Variants in TAF5 observed in about 807,000 individuals in gnomAD.
TAF5 encodes transcription initiation factor TFIID subunit 5.
In TAF5, 20 loss-of-function variants were observed where a neutral mutation model predicts 80.9. The observed-to-expected ratio is 0.25, with a 90% CI of 0.17 to 0.36. The LOEUF (loss-of-function observed/expected upper bound fraction) is 0.36, where lower values mean the gene tolerates loss of function less well. Among genes scored for constraint, TAF5 ranks in the 10% least tolerant of loss-of-function variants. The pLI is 1.00. For synonymous variants in TAF5, 388 were observed against 406.4 expected, an observed-to-expected ratio of 0.95 and a Z score of 0.55; for missense variants, 863 against 1,029.4, an observed-to-expected ratio of 0.84 and a Z score of 2.21.
chr10:103,379,474 T>C, intron 3 of TAF5, 134 bp from the exon 4 acceptor site: 1 of 783,042 alleles, frequency 1.3e-6, no homozygotes, highest in Non-Finnish European at 2.0e-6. Context: ...GAATGGCTAT[T>C]GGGTAGACAA....
Position 103,374,047 on chromosome 10 carries a change from A to G in TAF5, c.797+452A>G, listed in dbSNP as rs1203644853. ...AAAGTGAAGGCATTGAAAAAAAAGGATAGGCAGGTTTTTGGGCCATGTTGA... is the reference window on the plus strand; with the variant it reads ...AAAGTGAAGGCATTGAAAAAAAAGGGTAGGCAGGTTTTTGGGCCATGTTGA... On this transcript the variant is annotated intron_variant, in intron 2 of 10. Transcript: ENST00000369839. This position sits in a 1 kb window ranked among gnomAD's most constrained non-coding sequence, Gnocchi z 4.3. Among the ~76,000 whole-genome samples, 1 of 152,052 alleles carries G rather than the reference A, an allele frequency of 6.6e-6. No individual in the cohort carries two copies. Among genetic ancestry groups the G allele is most frequent in the African/African-American group, 2.4e-5 (1 of 41,400 alleles).
At chr10:103,369,346 A>T (rs1394777595) in intron 1 of TAF5, among the ~76,000 whole-genome samples, 4 of 150,964 alleles carry the variant, frequency 2.6e-5, no homozygotes, top group South Asian at 2.1e-4. Flanking sequence ...TAAAAGTTGA[A>T]TTTTTTTTCT....
chr10:103,370,156 C>T (rs2093355944), intron 1 of TAF5, among the ~76,000 whole-genome samples: 1 of 151,146 alleles, frequency 6.6e-6, no homozygotes, highest in Non-Finnish European at 1.5e-5. Context: ...CACTTGACCC[C>T]GGGAGGCTGA....
intron 1 of TAF5, among the ~76,000 whole-genome samples, chr10:103,372,275 G>A (rs193045311): frequency 2.0e-5 from 3 of 151,336 alleles, no homozygotes; most frequent in Admixed American, 6.6e-5. Flanking sequence ...GATGGGTTTC[G>A]GTTTGGGTGA....
chr10:103,378,309 T>C lies in TAF5; in HGVS notation c.872T>C (p.Met291Thr). ...VLSSLTKKEH[M>T]KGNETMLDFR... ...TCTAGTCTTACCAAAAAGGAACACA[T>C]GAAAGGGAATGAGACCATGTTGGAT... Residue 291 changes from methionine to threonine, a missense_variant, in exon 3 of 11, where the codon ATG becomes ACG. Coordinates refer to ENST00000369839, the MANE Select transcript of TAF5 (RefSeq NM_006951.5). The surrounding 1 kb of genome is among the most constrained non-coding windows in gnomAD (Gnocchi z 4.1). 6.2e-7 allele frequency: 1 copy of C among 1,614,144 alleles called. No homozygotes were observed. Among genetic ancestry groups the C allele is most frequent in the Non-Finnish European group, 8.5e-7 (1 of 1,180,026 alleles).
chr10:103,369,445 G>A (rs188929772), intron 1 of TAF5, among the ~76,000 whole-genome samples: 551 of 151,486 alleles, frequency 3.6e-3, no homozygotes, highest in Non-Finnish European at 6.7e-3. Context: ...TGCAACCTCT[G>A]CCTCCCAGAT....
chr10:103,371,035 G>C (rs1039786689), intron 1 of TAF5, among the ~76,000 whole-genome samples: 2 of 152,164 alleles, frequency 1.3e-5, no homozygotes, highest in Non-Finnish European at 2.9e-5. Flanking sequence ...GAGGTCAGGA[G>C]ATCAAGACCA....
intron 8 of TAF5, among the ~76,000 whole-genome samples, chr10:103,386,464 G>T (rs2093396573): frequency 6.6e-6 from 1 of 152,084 alleles, no homozygotes; most frequent in African/African-American, 2.4e-5. Flanking sequence ...TTGGTGGCCA[G>T]AACTAGGGGA....
chr10:103,376,766 C>G (rs867815985), intron 2 of TAF5, among the ~76,000 whole-genome samples: 1 of 152,078 alleles, frequency 6.6e-6, no homozygotes, highest in Admixed American at 6.6e-5. Flanking sequence ...AAAATTGAGC[C>G]GGGCATGGTG....
In TAF5 at chr10:103,368,142, T is replaced by G; in HGVS notation, c.153T>G (p.Val51=). The change falls in exon 1 of 11, where the codon GTT becomes GTG. Residue 51 remains valine, a synonymous_variant. Coordinates refer to ENST00000369839, the MANE Select transcript of TAF5 (RefSeq NM_006951.5). ...GCCCCAACGGCGGCGGCGGGAACGTTGCGGCGTCGTCGTCCACTGGCGGGG... is the reference window on the plus strand; with the variant it reads ...GCCCCAACGGCGGCGGCGGGAACGTGGCGGCGTCGTCGTCCACTGGCGGGG... The part of the protein sequence containing the change: ...NNGPNGGGGN[V]AASSSTGGDG... The G allele has an allele frequency of 1.4e-6, 2 of 1,396,530 alleles. No homozygotes were observed. The highest frequency in any genetic ancestry group is 1.9e-6 in the Non-Finnish European group (2 of 1,075,354). 86.5% of individuals were successfully genotyped at this position (1,396,530 alleles called of 1,614,324 possible).
intron 1 of TAF5, among the ~76,000 whole-genome samples, chr10:103,370,325 CTT>C (rs758002426): frequency 4.3e-4 from 38 of 88,902 alleles, no homozygotes; most frequent in East Asian, 1.0e-3. Context: ...GGTTATGAGG[CTT>C]TTTTTTTTTT....
Position 103,385,508 on chromosome 10 carries a change from T to C in TAF5, c.1829+18T>C. The stretch of plus-strand genomic sequence containing the variant: ...GTAGCTCGGTAAGAACACTGTGATC[T>C]TATGACTGGGTCTATTCAATGAACA... On this transcript the variant is annotated intron_variant, in intron 8 of 10. Transcript: ENST00000369839. 1 of 1,612,460 alleles carries C rather than the reference T, an allele frequency of 6.2e-7. No homozygotes were observed. The highest frequency in any genetic ancestry group is 8.5e-7 in the Non-Finnish European group (1 of 1,179,450).
At chr10:103,371,059 G>A (rs186623064) in intron 1 of TAF5, among the ~76,000 whole-genome samples, 1 of 152,194 alleles carries the variant, frequency 6.6e-6, no homozygotes, top group East Asian at 1.9e-4. Flanking sequence ...TGGCCAACAT[G>A]GTGAAACCCC....
rs777239489 is a variant in TAF5, at chr10:103,373,599, T to C, written c.797+4T>C. On this transcript the variant is annotated splice_donor_region_variant and intron_variant, in intron 2 of 10. Coordinates refer to ENST00000369839, the MANE Select transcript of TAF5 (RefSeq NM_006951.5). ...AAGCAAAGTCATTCTTTGAGAAGTA[T>C]GTAAATTTTTACATATATATATATA... is the stretch of plus-strand genomic sequence containing the variant. 6 of 1,604,522 alleles carry C rather than the reference T, an allele frequency of 3.7e-6. No individual in the cohort carries two copies. Among genetic ancestry groups the C allele is most frequent in the Admixed American group, 1.7e-5 (1 of 59,668 alleles).
chr10:103,378,632 C>T lies in TAF5; in HGVS notation c.1113+82C>T. On this transcript the variant is annotated intron_variant, in intron 3 of 10. Coordinates refer to ENST00000369839, the MANE Select transcript of TAF5 (RefSeq NM_006951.5). This position sits in a 1 kb window ranked among gnomAD's most constrained non-coding sequence, Gnocchi z 4.1. ...CCATCTACATAAGTTACACATTTTT[C>T]TTATAGCTAGCTTGGAAACAATTTT... 7.0e-7 allele frequency: 1 copy of T among 1,427,186 alleles called. No individual in the cohort carries two copies. 88.4% of individuals were successfully genotyped at this position (1,427,186 alleles called of 1,614,324 possible). A position where few individuals can be genotyped will look rare whatever the true frequency, so the allele number is the denominator to read the frequency against.
At position 103,385,354 on chromosome 10, in the gene TAF5, G is replaced by C; in HGVS notation, c.1693G>C (p.Gly565Arg). 2 of 1,612,940 alleles carry C rather than the reference G, an allele frequency of 1.2e-6. No individual in the cohort carries two copies. Among genetic ancestry groups the C allele is most frequent in the Non-Finnish European group, 1.7e-6 (2 of 1,179,108 alleles). Residue 565 changes from glycine (G) to arginine (R), a missense_variant, in exon 8 of 11, where the codon GGA becomes CGA. By Grantham distance (125) the Gly-to-Arg change is moderately radical (BLOSUM62 -2). This residue lies in a region of TAF5 where 368 missense variants were observed against 461.7 expected (regional missense o/e 0.80). Transcript: ENST00000369839. Reference protein sequence around the residue: ...RNYLLSSSEDGTVRLWSLQTF... With the variant: ...RNYLLSSSEDRTVRLWSLQTF... ...CTATCTGCTTTCCTCTTCAGAGGAC[G>C]GAACTGTTAGATTGTGGAGCCTTCA...
At chr10:103,375,119 C>CAAAA (rs914374305) in intron 2 of TAF5, among the ~76,000 whole-genome samples, 40 of 80,616 alleles carry the variant, frequency 5.0e-4, no homozygotes, top group African/African-American at 1.7e-3. Flanking sequence ...GACCCTGTCT[C>CAAAA]AAAAAAAAAA....
chr10:103,376,860 A>G (rs1043274569), intron 2 of TAF5, among the ~76,000 whole-genome samples: 3 of 152,212 alleles, frequency 2.0e-5, no homozygotes, highest in Non-Finnish European at 4.4e-5. Flanking sequence ...CCTGGCCAAC[A>G]TGGTGAAACC....
intron 2 of TAF5, 140 bp downstream of exon 2, chr10:103,373,735 A>G (rs957039858): frequency 4.6e-6 from 3 of 654,792 alleles, no homozygotes; most frequent in Non-Finnish European, 7.5e-6. Flanking sequence ...ACCTGAGGCT[A>G]TGAGAACTTA....
Sources: gnomAD v4.1 joint callset for allele counts (sites outside exome capture counted in the v4.1 genomes callset) on GRCh38, gnomAD v4.1.1 for gene constraint, gnomAD v4.1.1 regional missense constraint, Gnocchi (gnomAD v3.1) non-coding constraint, MANE v1.5 for transcripts, NCBI Gene and HGNC (gene_info 2026-07-23, HGNC 2026-07-21) for gene names.